PLPP3: variants seen among roughly 807,000 people sequenced by gnomAD.
PLPP3 encodes phospholipid phosphatase 3.
Under a neutral mutation model 29.6 loss-of-function variants are expected in PLPP3, and 6 were observed. The observed-to-expected ratio is 0.20, with a 90% CI of 0.11 to 0.40. The LOEUF (loss-of-function observed/expected upper bound fraction) is 0.40. PLPP3 is among the 10% of genes least tolerant of loss of function. PLPP3 has a pLI of 1.00. For missense variants in PLPP3, 308 were observed against 407.7 expected (o/e 0.76, Z 2.11); for synonymous variants, 152 against 159.7 (o/e 0.95, Z 0.36).
chr1:56,557,026 A>AAAG lies in PLPP3; in HGVS notation c.140-19915_140-19914insCTT, dbSNP rs1553139342. ...AGAAAGAAAGAGAGAGAGAGAGAGA[A>AAAG]AGAGAGAGAGAGAGAGAGAGAGAGA... On this transcript the variant is annotated intron_variant, in intron 1 of 5. Transcript: ENST00000371250. Among the ~76,000 whole-genome samples, 4 of 9,524 alleles carry AAAG rather than the reference A, an allele frequency of 4.2e-4. 1 individual carries two copies. Among genetic ancestry groups the AAAG allele is most frequent in the Admixed American group, 1.8e-3 (1 of 556 alleles). The allele number at this position is 9,524 out of a possible 152,430, so 6.2% of individuals were successfully genotyped here. A position where few individuals can be genotyped will look rare whatever the true frequency, so the allele number is the denominator to read the frequency against.
At chr1:56,577,759 C>T (rs72664391) in intron 1 of PLPP3, among the ~76,000 whole-genome samples, 4,021 of 152,190 alleles carry the variant, frequency 0.026, 106 homozygotes, top group East Asian at 0.13. Flanking sequence ...ATCCGAGTTC[C>T]TAATGCGGGA....
At chr1:56,542,250 A>G (rs1267397948) in intron 1 of PLPP3, among the ~76,000 whole-genome samples, 1 of 152,122 alleles carries the variant, frequency 6.6e-6, no homozygotes, top group East Asian at 1.9e-4. Context: ...GTGGAGTGTA[A>G]AAAAACACAG....
At chr1:56,559,453 T>C (rs1188293585) in intron 1 of PLPP3, among the ~76,000 whole-genome samples, 3 of 152,146 alleles carry the variant, frequency 2.0e-5, no homozygotes, top group African/African-American at 4.8e-5. Context: ...GGTCTCACTA[T>C]GTTGCCCAGG....
intron 1 of PLPP3, among the ~76,000 whole-genome samples, chr1:56,556,266 G>A (rs915734090): frequency 6.6e-6 from 1 of 152,118 alleles, no homozygotes; most frequent in Non-Finnish European, 1.5e-5. Flanking sequence ...CCATATGACT[G>A]GTGTCCCTAT....
intron 5 of PLPP3, among the ~76,000 whole-genome samples, chr1:56,505,700 T>C (rs1170761036): frequency 6.6e-6 from 1 of 152,226 alleles, no homozygotes; most frequent in African/African-American, 2.4e-5. Context: ...AAGAATACTG[T>C]ATATAATACA....
At chr1:56,504,072 C>A (rs988987021) in intron 5 of PLPP3, among the ~76,000 whole-genome samples, 2 of 152,166 alleles carry the variant, frequency 1.3e-5, no homozygotes, top group Non-Finnish European at 2.9e-5. Flanking sequence ...ACGCACCCAG[C>A]CTTATGAAGG....
At chr1:56,540,196 G>A (rs1329620396) in intron 1 of PLPP3, among the ~76,000 whole-genome samples, 1 of 152,096 alleles carries the variant, frequency 6.6e-6, no homozygotes, top group African/African-American at 2.4e-5. Context: ...TAACTTTAGG[G>A]TGGTTGGGAT....
chr1:56,571,333 G>C (rs1646196876), intron 1 of PLPP3, among the ~76,000 whole-genome samples: 1 of 152,132 alleles, frequency 6.6e-6, no homozygotes, highest in East Asian at 1.9e-4. Flanking sequence ...AGTGCACACA[G>C]AATCTCATTT....
At chr1:56,539,569 C>G (rs568283375) in intron 1 of PLPP3, among the ~76,000 whole-genome samples, 4 of 151,666 alleles carry the variant, frequency 2.6e-5, no homozygotes, top group African/African-American at 9.8e-5. Context: ...CAACACACCA[C>G]AGTATTGTGC....
At position 56,524,806 on chromosome 1, in the gene PLPP3, ATGTGTGTG is replaced by A. The variant is rs3835682; in HGVS notation, c.298-260_298-253del. 2.2e-4 allele frequency among the ~76,000 whole-genome samples: 33 copies of A among 148,252 alleles called. No individual in the cohort carries two copies. Among genetic ancestry groups the A allele is most frequent in the African/African-American group, 6.7e-4 (27 of 40,272 alleles). On this transcript the variant is annotated intron_variant, in intron 2 of 5. Coordinates refer to ENST00000371250, the MANE Select transcript of PLPP3 (RefSeq NM_003713.5). This position sits in a 1 kb window ranked among gnomAD's most constrained non-coding sequence, Gnocchi z 4.3. ...AATATATTTATATGTATATATGTGT[ATGTGTGTG>A]TGTGTGTGTGTGTGTGTGTATCTTT...
intron 5 of PLPP3, among the ~76,000 whole-genome samples, chr1:56,502,168 G>A (rs1645672183): frequency 6.6e-6 from 1 of 151,954 alleles, no homozygotes; most frequent in African/African-American, 2.4e-5. Context: ...AAATTTTGAG[G>A]GTCATTTTGT....
intron 1 of PLPP3, among the ~76,000 whole-genome samples, chr1:56,542,263 T>G (rs1490625247): frequency 6.6e-6 from 1 of 152,142 alleles, no homozygotes; most frequent in Non-Finnish European, 1.5e-5. Context: ...AAACACAGAC[T>G]AAGTTTTTGT....
At chr1:56,541,836 T>G (rs983978065) in intron 1 of PLPP3, among the ~76,000 whole-genome samples, 1 of 152,084 alleles carries the variant, frequency 6.6e-6, no homozygotes, top group African/African-American at 2.4e-5. Context: ...CTGGCTCAAG[T>G]TAACTGAACT....
intron 1 of PLPP3, among the ~76,000 whole-genome samples, chr1:56,544,050 C>T (rs1645988729): frequency 6.6e-6 from 1 of 152,188 alleles, no homozygotes; most frequent in Non-Finnish European, 1.5e-5. Context: ...TTTGAGTTCC[C>T]TGCCTTCTGA....
At chr1:56,565,202 T>C (rs957032995) in intron 1 of PLPP3, among the ~76,000 whole-genome samples, 5 of 152,188 alleles carry the variant, frequency 3.3e-5, no homozygotes, top group African/African-American at 1.2e-4. Flanking sequence ...GTGGGTCATT[T>C]GTGGGGAAGA....
At chr1:56,532,734 C>T (rs1463856914) in intron 2 of PLPP3, among the ~76,000 whole-genome samples, 1 of 152,112 alleles carries the variant, frequency 6.6e-6, no homozygotes, top group African/African-American at 2.4e-5. Flanking sequence ...CAGTTTATGG[C>T]CTCTTCTGTG....
At chr1:56,503,002 G>A (rs1645678312) in intron 5 of PLPP3, among the ~76,000 whole-genome samples, 1 of 152,174 alleles carries the variant, frequency 6.6e-6, no homozygotes, top group African/African-American at 2.4e-5. Flanking sequence ...CCTCTTTGGA[G>A]GAGAAAGCCT....
At chr1:56,519,099 T>C (rs1224301936) in intron 4 of PLPP3, among the ~76,000 whole-genome samples, 2 of 152,080 alleles carry the variant, frequency 1.3e-5, no homozygotes, top group African/African-American at 4.8e-5. Context: ...CTAATGCACC[T>C]GCAAAATGAG....
intron 1 of PLPP3, among the ~76,000 whole-genome samples, chr1:56,555,774 G>A (rs1021604071): frequency 5.3e-5 from 8 of 152,220 alleles, no homozygotes; most frequent in South Asian, 2.1e-4. Flanking sequence ...CTCCCACATC[G>A]CTGGGGATTA....
Sources: allele counts gnomAD v4.1 joint callset (sites outside exome capture counted in the v4.1 genomes callset), GRCh38; gene constraint gnomAD v4.1.1; non-coding constraint Gnocchi (gnomAD v3.1); transcripts MANE v1.5; gene names NCBI Gene and HGNC (gene_info 2026-07-23, HGNC 2026-07-21).